GPC6: variants seen among roughly 807,000 people sequenced by gnomAD.
GPC6 encodes glypican-6.
Under a neutral mutation model 55.2 loss-of-function variants are expected in GPC6, and 14 were observed. The observed-to-expected ratio is 0.25, with a 90% CI of 0.17 to 0.40. GPC6 has a LOEUF of 0.40. Ranked by LOEUF, GPC6 falls within the 10% of genes least tolerant of loss-of-function variation. The pLI, the probability that GPC6 is intolerant of heterozygous loss-of-function variation, is 1.00. For missense variants in GPC6, 641 were observed against 708.5 expected, an observed-to-expected ratio of 0.90 and a Z score of 1.08; for synonymous variants, 278 against 259.6, an observed-to-expected ratio of 1.07 and a Z score of -0.68.
At chr13:93,449,654 C>A (rs886607498) in intron 1 of GPC6, among the ~76,000 whole-genome samples, 1 of 151,926 alleles carries the variant, frequency 6.6e-6, no homozygotes, top group African/African-American at 2.4e-5. Flanking sequence ...ATGGTGAAAC[C>A]CCATCTCTAC....
chr13:93,855,894 T>G (rs900483875), intron 3 of GPC6, among the ~76,000 whole-genome samples: 1 of 151,698 alleles, frequency 6.6e-6, no homozygotes, highest in African/African-American at 2.4e-5. Flanking sequence ...TGTTTTCTTA[T>G]TGTTGATTTT....
chr13:93,621,294 C>T (rs3904305), intron 2 of GPC6, among the ~76,000 whole-genome samples: 1,716 of 152,236 alleles, frequency 0.011, 32 homozygotes, highest in African/African-American at 0.039. Flanking sequence ...TTGGCCTTCA[C>T]CTTACTTAAA....
At chr13:93,708,464 G>A (rs1278792008) in intron 2 of GPC6, among the ~76,000 whole-genome samples, 4 of 151,692 alleles carry the variant, frequency 2.6e-5, no homozygotes, top group Non-Finnish European at 5.9e-5. Flanking sequence ...ATTTTCTTGT[G>A]TTTAGAGATA....
At chr13:94,116,625 T>G (rs1886439633) in intron 4 of GPC6, among the ~76,000 whole-genome samples, 1 of 152,138 alleles carries the variant, frequency 6.6e-6, no homozygotes, top group African/African-American at 2.4e-5. Context: ...ACTTTCCATT[T>G]TAAGCATTGA....
At chr13:94,273,835 CTA>C (rs1489576220) in intron 4 of GPC6, among the ~76,000 whole-genome samples, 9 of 152,132 alleles carry the variant, frequency 5.9e-5, no homozygotes, top group African/African-American at 2.2e-4. Context: ...CCCTTAAATT[CTA>C]TGACTCATCT....
Position 93,545,372 on chromosome 13 carries a change from A to G in GPC6, c.270A>G (p.Thr90=), listed in dbSNP as rs1199800057. Residue 90 remains threonine (T), a synonymous_variant, in exon 2 of 9, where the codon ACA becomes ACG. Coordinates refer to ENST00000377047, the MANE Select transcript of GPC6 (RefSeq NM_005708.5). ...AATTTGAAAACCTTGTGGAAGAGAC[A>G]AGCCATTTTGTGCGCACCACTTTTG... ...KLEFENLVEE[T]SHFVRTTFVS... is the part of the protein sequence containing the mutation. 1 of 1,613,828 alleles carries G rather than the reference A, an allele frequency of 6.2e-7. No homozygotes were observed. The highest frequency in any genetic ancestry group is 8.5e-7 in the Non-Finnish European group (1 of 1,179,816).
intron 3 of GPC6, among the ~76,000 whole-genome samples, chr13:93,871,412 T>C (rs963254194): frequency 6.6e-6 from 1 of 151,948 alleles, no homozygotes; most frequent in African/African-American, 2.4e-5. Flanking sequence ...ATATCACAGT[T>C]CGAGTTTATT....
intron 2 of GPC6, among the ~76,000 whole-genome samples, chr13:93,692,916 G>T (rs1483733663): frequency 6.6e-6 from 1 of 151,986 alleles, no homozygotes; most frequent in Non-Finnish European, 1.5e-5. Context: ...ACTTTGCATG[G>T]ATCACTTTGT....
intron 6 of GPC6, among the ~76,000 whole-genome samples, chr13:94,329,827 A>AC (rs1262884260): frequency 2.0e-5 from 3 of 152,100 alleles, no homozygotes; most frequent in Non-Finnish European, 4.4e-5. Context: ...GGGACAAAAA[A>AC]AAAATCCCTG....
At chr13:93,741,117 CTTTTTTTTTTT>C (rs772541106) in intron 2 of GPC6, among the ~76,000 whole-genome samples, 1 of 77,184 alleles carries the variant, frequency 1.3e-5, no homozygotes, top group Non-Finnish European at 2.3e-5. Flanking sequence ...CATCCAGAAT[CTTTTTTTTTTT>C]TTTTTTTTTT....
intron 1 of GPC6, among the ~76,000 whole-genome samples, chr13:93,278,777 G>T (rs950172143): frequency 6.6e-6 from 1 of 152,094 alleles, no homozygotes; most frequent in African/African-American, 2.4e-5. Context: ...CACATCTAGG[G>T]CTATAGGTAA....
At chr13:94,328,541 A>G (rs1719030202) in intron 6 of GPC6, among the ~76,000 whole-genome samples, 1 of 152,178 alleles carries the variant, frequency 6.6e-6, no homozygotes, top group African/African-American at 2.4e-5. Context: ...CACTCATGGC[A>G]GCTGCCGTCT....
intron 2 of GPC6, among the ~76,000 whole-genome samples, chr13:93,750,414 A>G (rs1475907334): frequency 6.6e-6 from 1 of 152,154 alleles, no homozygotes; most frequent in Non-Finnish European, 1.5e-5. Context: ...GCATATAACT[A>G]TTCATACCAA....
intron 4 of GPC6, among the ~76,000 whole-genome samples, chr13:94,156,485 TAG>T (rs1383225301): frequency 6.6e-6 from 1 of 152,154 alleles, no homozygotes; most frequent in Admixed American, 6.6e-5. Flanking sequence ...GGTACACCTA[TAG>T]AGTGAGAACA....
chr13:93,522,232 A>G (rs769306712), intron 1 of GPC6, among the ~76,000 whole-genome samples: 29 of 151,970 alleles, frequency 1.9e-4, no homozygotes, highest in Non-Finnish European at 3.8e-4. Flanking sequence ...ATTGATAGCA[A>G]TGCAAATGAT....
intron 3 of GPC6, among the ~76,000 whole-genome samples, chr13:93,879,813 C>T (rs1874844885): frequency 1.3e-5 from 2 of 152,058 alleles, no homozygotes; most frequent in Admixed American, 1.3e-4. Flanking sequence ...GCATCCTACT[C>T]ATCTGAAAAA....
chr13:93,734,812 C>CA (rs932262878), intron 2 of GPC6, among the ~76,000 whole-genome samples: 1 of 151,742 alleles, frequency 6.6e-6, no homozygotes, highest in Non-Finnish European at 1.5e-5. Flanking sequence ...AAACAAACAA[C>CA]AAAAAAATAC....
chr13:93,778,340 G>C (rs1190156281), intron 2 of GPC6, among the ~76,000 whole-genome samples: 18 of 151,802 alleles, frequency 1.2e-4, no homozygotes, highest in Non-Finnish European at 2.4e-4. Flanking sequence ...AAAACGAAGA[G>C]AGTGAATTAT....
intron 3 of GPC6, among the ~76,000 whole-genome samples, chr13:93,956,326 T>C (rs1879506957): frequency 6.6e-6 from 1 of 152,170 alleles, no homozygotes; most frequent in African/African-American, 2.4e-5. Flanking sequence ...GATTACTGAT[T>C]GAAAAGATTG....
Sources: allele counts gnomAD v4.1 joint callset (sites outside exome capture counted in the v4.1 genomes callset), GRCh38; gene constraint gnomAD v4.1.1; transcripts MANE v1.5; gene names NCBI Gene and HGNC (gene_info 2026-07-23, HGNC 2026-07-21).